Variants in SLC35F5 observed in about 807,000 individuals in gnomAD.
The protein encoded by SLC35F5 is solute carrier family 35 member F5.
Under a neutral mutation model 68.6 loss-of-function variants are expected in SLC35F5, and 54 were observed. The ratio of observed to expected loss-of-function variants is 0.79; its 90% CI spans 0.63 to 0.99. SLC35F5 has a LOEUF of 0.99. Ranked by LOEUF, SLC35F5 falls within the 50% of genes least tolerant of loss-of-function variation. The pLI is 0.00. For missense variants in SLC35F5, 567 were observed against 626.9 expected, an observed-to-expected ratio of 0.90 and a Z score of 1.02; for synonymous variants, 211 against 205.2, an observed-to-expected ratio of 1.03 and a Z score of -0.24.
intron 10 of SLC35F5, 78 bp downstream of exon 10, chr2:113,731,506 G>T (rs762387178): frequency 9.1e-7 from 1 of 1,095,730 alleles, no homozygotes; most frequent in Non-Finnish European, 1.4e-6. Flanking sequence ...CCCTTTGTGC[G>T]TTCATCTGTG....
intron 1 of SLC35F5, chr2:113,755,752 CG>C (rs1676957316): frequency 2.9e-6 from 3 of 1,022,406 alleles, no homozygotes; most frequent in Non-Finnish European, 4.4e-6. Context: ...CGATACGGGG[CG>C]GGCAGGGAGG....
At chr2:113,706,232 C>G (rs1258430020), downstream of SLC35F5, among the ~76,000 whole-genome samples, 1 of 152,192 alleles carries the variant, frequency 6.6e-6, no homozygotes, top group Non-Finnish European at 1.5e-5. Context: ...CCTGTGCCAG[C>G]TGGCTTCCAG....
chr2:113,739,701 T>C (rs1350953915), intron 7 of SLC35F5, among the ~76,000 whole-genome samples: 1 of 152,120 alleles, frequency 6.6e-6, no homozygotes, highest in Non-Finnish European at 1.5e-5. Context: ...AAAGGAGATG[T>C]GTAATAAAAG....
intron 12 of SLC35F5, among the ~76,000 whole-genome samples, chr2:113,723,703 G>A (rs1687545953): frequency 6.6e-6 from 1 of 152,056 alleles, no homozygotes; most frequent in African/African-American, 2.4e-5. Context: ...CATAAAAAAA[G>A]AAAGACTTGA....
At chr2:113,702,770 T>C (rs1686721558), downstream of SLC35F5, among the ~76,000 whole-genome samples, 1 of 152,154 alleles carries the variant, frequency 6.6e-6, no homozygotes, top group South Asian at 2.1e-4. Context: ...AAAATTAAGA[T>C]ACAAGAAGAA....
chr2:113,720,423 C>T (rs964655373), intron 13 of SLC35F5, among the ~76,000 whole-genome samples: 10 of 150,840 alleles, frequency 6.6e-5, no homozygotes, highest in African/African-American at 1.9e-4. Context: ...TCAGAGTAAA[C>T]GAGTTTTGTG....
downstream of SLC35F5, among the ~76,000 whole-genome samples, chr2:113,706,203 T>C (rs1173918999): frequency 6.6e-6 from 1 of 152,160 alleles, no homozygotes; most frequent in Non-Finnish European, 1.5e-5. Context: ...ACCAGAGGGA[T>C]ACCACCAAGC....
intron 13 of SLC35F5, among the ~76,000 whole-genome samples, chr2:113,722,478 T>C (rs1687483796): frequency 6.6e-6 from 1 of 152,192 alleles, no homozygotes; most frequent in African/African-American, 2.4e-5. Flanking sequence ...GATAAATGGC[T>C]ATGCTCCATC....
intron 4 of SLC35F5, among the ~76,000 whole-genome samples, chr2:113,747,776 A>G (rs1288280936): frequency 6.6e-6 from 1 of 152,218 alleles, no homozygotes; most frequent in African/African-American, 2.4e-5. Flanking sequence ...TAATTTAGCA[A>G]TAAGAATTAC....
At chr2:113,750,715 T>C (rs1467988121) in intron 3 of SLC35F5, 147 bp from the exon 4 acceptor site, 5 of 660,494 alleles carry the variant, frequency 7.6e-6, no homozygotes, top group Non-Finnish European at 1.2e-5. Flanking sequence ...GTATTTTAGA[T>C]CCATTTCTGA....
intron 3 of SLC35F5, 50 bp from the exon 4 acceptor site, chr2:113,750,618 A>G: frequency 1.9e-5 from 27 of 1,423,570 alleles, no homozygotes; most frequent in Non-Finnish European, 2.2e-5. Flanking sequence ...CTTAAACCTT[A>G]TTACTCATCT....
At chr2:113,755,413 T>C in intron 2 of SLC35F5, 41 bp downstream of exon 2, 3 of 1,609,412 alleles carry the variant, frequency 1.9e-6, no homozygotes, top group South Asian at 1.1e-5. Context: ...TTAGCTAATG[T>C]TCAGTGTGAA....
At chr2:113,728,080 C>T (rs1198192342) in intron 11 of SLC35F5, among the ~76,000 whole-genome samples, 6 of 152,168 alleles carry the variant, frequency 3.9e-5, no homozygotes, top group Non-Finnish European at 5.9e-5. Context: ...CAGACTCGAA[C>T]TCCTGGACTC....
At chr2:113,750,930 A>G (rs1314531337) in intron 3 of SLC35F5, among the ~76,000 whole-genome samples, 1 of 152,234 alleles carries the variant, frequency 6.6e-6, no homozygotes, top group Non-Finnish European at 1.5e-5. Context: ...AGATTGCTTG[A>G]GCCCAGAATT....
At chr2:113,741,338 C>T (rs2122095) in intron 7 of SLC35F5, among the ~76,000 whole-genome samples, 75,148 of 151,842 alleles carry the variant, frequency 0.49, 19,224 homozygotes, top group Middle Eastern at 0.66. Flanking sequence ...GATGAAAAAA[C>T]TCTGTGGATG....
intron 7 of SLC35F5, 81 bp from the exon 8 acceptor site, chr2:113,735,939 G>A: frequency 3.5e-6 from 3 of 861,940 alleles, no homozygotes; most frequent in Non-Finnish European, 5.6e-6. Flanking sequence ...TCCCTTTTTT[G>A]TTCTCCTCCT....
In SLC35F5 at chr2:113,725,364, T is replaced by G. The variant is rs778004160; in HGVS notation, c.1250+14A>C. 1 of 1,579,190 alleles carries G rather than the reference T, an allele frequency of 6.3e-7. No individual in the cohort carries two copies. The highest frequency in any genetic ancestry group is 1.2e-5 in the South Asian group (1 of 84,398). On this transcript the variant is annotated intron_variant, in intron 12 of 15. Coordinates refer to ENST00000245680, the MANE Select transcript of SLC35F5 (RefSeq NM_025181.5). ...TAATCAACTGATAATAATTGGAGAA[T>G]AAACAGTACATACCACAACCACAGG...
rs1238390150 is a variant in SLC35F5, at chr2:113,715,035, CA to C, written c.*182del. 2 of 152,474 alleles carry C rather than the reference CA, an allele frequency of 1.3e-5. No homozygotes were observed. The highest frequency in any genetic ancestry group is 2.9e-5 in the Non-Finnish European group (2 of 67,972). The allele number at this position is 152,474 out of a possible 1,614,324, so 9.4% of individuals were successfully genotyped here. Reference sequence around the variant, plus strand: ...TAGTGATATGTACACAGCTACATAGCAAAGTGCTTCATTATGAAAATGAAGA... The same window carrying C: ...TAGTGATATGTACACAGCTACATAGCAAGTGCTTCATTATGAAAATGAAGA... On this transcript the variant is annotated 3_prime_UTR_variant, in exon 16 of 16. Transcript: ENST00000245680.
At chr2:113,746,860 G>C (rs1191231185) in intron 4 of SLC35F5, among the ~76,000 whole-genome samples, 2 of 151,816 alleles carry the variant, frequency 1.3e-5, no homozygotes, top group African/African-American at 4.8e-5. Flanking sequence ...TCTGAAGGTG[G>C]AGGTTGCAGT....
Sources: gnomAD v4.1 joint callset for allele counts (sites outside exome capture counted in the v4.1 genomes callset) on GRCh38, gnomAD v4.1.1 for gene constraint, MANE v1.5 for transcripts, NCBI Gene and HGNC (gene_info 2026-07-23, HGNC 2026-07-21) for gene names.